The following MEGF10 variants were observed in gnomAD, a reference collection of about 807,000 sequenced individuals.
The protein encoded by MEGF10 is multiple epidermal growth factor-like domains protein 10.
Under a neutral mutation model 147.5 loss-of-function variants are expected in MEGF10, and 86 were observed. The ratio of observed to expected loss-of-function variants is 0.58; its 90% confidence interval spans 0.49 to 0.70. MEGF10 has a LOEUF of 0.70. Ranked by LOEUF, MEGF10 falls within the 30% of genes least tolerant of loss-of-function variation. The pLI, the probability that MEGF10 is intolerant of heterozygous loss-of-function variation, is 0.00. For missense variants in MEGF10, 1,329 were observed against 1,487.3 expected (o/e 0.89, Z 1.75); for synonymous variants, 478 against 525.5 (o/e 0.91, Z 1.24).
intron 1 of MEGF10, among the ~76,000 whole-genome samples, chr5:127,327,599 G>A (rs573038097): frequency 2.0e-5 from 3 of 152,086 alleles, no homozygotes; most frequent in African/African-American, 7.2e-5. Context: ...AGTAGGCATA[G>A]TGGAAAAAGG....
chr5:127,341,381 A>G (rs1478023480), intron 4 of MEGF10, among the ~76,000 whole-genome samples: 1 of 152,128 alleles, frequency 6.6e-6, no homozygotes, highest in Non-Finnish European at 1.5e-5. Context: ...TGAGATGCTG[A>G]TGTTGAGTAG....
At chr5:127,329,901 C>T (rs780862103) in intron 1 of MEGF10, among the ~76,000 whole-genome samples, 23 of 152,174 alleles carry the variant, frequency 1.5e-4, no homozygotes, top group Non-Finnish European at 2.1e-4. Context: ...CAAACCATTA[C>T]AGGTGTTACA....
At chr5:127,397,851 AC>A (rs1277295931) in intron 6 of MEGF10, among the ~76,000 whole-genome samples, 3 of 152,186 alleles carry the variant, frequency 2.0e-5, no homozygotes, top group Non-Finnish European at 4.4e-5. Context: ...GGGAAGGGAA[AC>A]TTGTCAGTCA....
At chr5:127,429,752 G>A (rs1400548858) in intron 13 of MEGF10, among the ~76,000 whole-genome samples, 1 of 152,046 alleles carries the variant, frequency 6.6e-6, no homozygotes, top group African/African-American at 2.4e-5. Flanking sequence ...CCCCAAATGG[G>A]GGTTCTGCAG....
the MEGF10 span, among the ~76,000 whole-genome samples, chr5:127,230,176 G>A: frequency 6.6e-6 from 1 of 151,974 alleles, no homozygotes; most frequent in Non-Finnish European, 1.5e-5. Flanking sequence ...GGGATTTCAG[G>A]GGATGAGAGC....
intron 4 of MEGF10, among the ~76,000 whole-genome samples, chr5:127,353,962 G>A (rs963534208): frequency 1.3e-5 from 2 of 152,160 alleles, no homozygotes; most frequent in African/African-American, 4.8e-5. Context: ...GAGAACTTTG[G>A]AACCGTAAAT....
At chr5:127,382,099 C>G (rs1763287927) in intron 5 of MEGF10, among the ~76,000 whole-genome samples, 1 of 152,212 alleles carries the variant, frequency 6.6e-6, no homozygotes, top group African/African-American at 2.4e-5. Flanking sequence ...CCCCCAAAAG[C>G]TAATGACTCT....
At position 127,355,387 on chromosome 5, in the gene MEGF10, G is replaced by C. The variant is rs79182140; in HGVS notation, c.320-14523G>C. 6.4e-3 allele frequency among the ~76,000 whole-genome samples: 977 copies of C among 152,224 alleles called. 12 individuals carry two copies. The highest frequency in any genetic ancestry group is 0.023 in the African/African-American group (940 of 41,534). ...GTAGAGATAAAAGTGAGACAATCCT[G>C]TTAAGCTAGTCAAAGAGAGCCTGAC... On this transcript the variant is annotated intron_variant, in intron 4 of 24. Transcript: ENST00000503335.
chr5:127,253,477 G>T, the MEGF10 span, among the ~76,000 whole-genome samples: 8 of 151,888 alleles, frequency 5.3e-5, no homozygotes, highest in Admixed American at 5.2e-4. Flanking sequence ...CTATATAAAA[G>T]AAATGTCATA....
At chr5:127,282,334 T>G in the MEGF10 span, among the ~76,000 whole-genome samples, 1 of 152,128 alleles carries the variant, frequency 6.6e-6, no homozygotes, top group Non-Finnish European at 1.5e-5. Flanking sequence ...GAATAGGGGT[T>G]GGGGTAGCTG....
intron 4 of MEGF10, among the ~76,000 whole-genome samples, chr5:127,341,633 C>T (rs992717757): frequency 6.6e-6 from 1 of 152,070 alleles, no homozygotes; most frequent in Non-Finnish European, 1.5e-5. Context: ...ACAGGGGCAG[C>T]TCCTTAGCTT....
chr5:127,286,039 A>G (rs1759019945), upstream of MEGF10, among the ~76,000 whole-genome samples: 1 of 152,126 alleles, frequency 6.6e-6, no homozygotes, highest in Non-Finnish European at 1.5e-5. Context: ...ACATTAAGTG[A>G]AATAAGCCAA....
intron 5 of MEGF10, among the ~76,000 whole-genome samples, chr5:127,378,111 T>C (rs1397501576): frequency 6.6e-6 from 1 of 152,196 alleles, no homozygotes; most frequent in Non-Finnish European, 1.5e-5. Flanking sequence ...AAAGAACTAC[T>C]ACCACCACCC....
chr5:127,378,516 G>GAC (rs1267174873), intron 5 of MEGF10, among the ~76,000 whole-genome samples: 4 of 152,120 alleles, frequency 2.6e-5, no homozygotes, highest in Admixed American at 6.5e-5. Context: ...GCAGTGGTGT[G>GAC]ACCATAGCTC....
chr5:127,396,515 T>C lies in MEGF10; in HGVS notation c.413-17T>C, dbSNP rs1437728563. 6.6e-7 allele frequency: 1 copy of C among 1,512,788 alleles called. No homozygotes were observed. The highest frequency in any genetic ancestry group is 1.8e-4 in the Middle Eastern group (1 of 5,590). 93.7% of individuals were successfully genotyped at this position (1,512,788 alleles called of 1,614,324 possible). Reference sequence around the variant, plus strand: ...CCCTTACCCACTGATATCCACTGTTTCTCTCCTCAATCTCAGCCTGCGATG... The same window carrying C: ...CCCTTACCCACTGATATCCACTGTTCCTCTCCTCAATCTCAGCCTGCGATG... On this transcript the variant is annotated splice_polypyrimidine_tract_variant and intron_variant, in intron 5 of 24. Transcript: ENST00000503335.
intron 22 of MEGF10, among the ~76,000 whole-genome samples, chr5:127,451,313 A>C (rs1474069680): frequency 6.6e-6 from 1 of 152,216 alleles, no homozygotes; most frequent in African/African-American, 2.4e-5. Context: ...CTATGGAAAT[A>C]AAAATGTTTT....
the MEGF10 span, among the ~76,000 whole-genome samples, chr5:127,248,320 A>G: frequency 4.6e-5 from 7 of 152,266 alleles, no homozygotes; most frequent in East Asian, 1.9e-4. Flanking sequence ...GCAACATTTT[A>G]TGTGCAATAG....
At chr5:127,260,158 A>AAAAT in the MEGF10 span, among the ~76,000 whole-genome samples, 10 of 152,196 alleles carry the variant, frequency 6.6e-5, no homozygotes, top group African/African-American at 2.4e-4. Flanking sequence ...CTCCATCTCA[A>AAAAT]AAATAAATAA....
the MEGF10 span, among the ~76,000 whole-genome samples, chr5:127,257,127 A>G: frequency 2.6e-5 from 4 of 152,108 alleles, no homozygotes; most frequent in Non-Finnish European, 5.9e-5. Context: ...TCTTATGCAG[A>G]TAGAGTCTCC....
Sources: gnomAD v4.1 joint callset for allele counts (sites outside exome capture counted in the v4.1 genomes callset) on GRCh38, gnomAD v4.1.1 for gene constraint, MANE v1.5 for transcripts, NCBI Gene and HGNC (gene_info 2026-07-23, HGNC 2026-07-21) for gene names.